Variants in VWCE observed in about 807,000 individuals in gnomAD.
VWCE encodes the protein von Willebrand factor C and EGF domains, also known as von Willebrand factor C and EGF domain-containing protein.
A neutral mutation model predicts 102.9 loss-of-function variants in VWCE; 68 were observed. The observed-to-expected ratio is 0.66, with a 90% CI of 0.54 to 0.81. The LOEUF (loss-of-function observed/expected upper bound fraction) is 0.81, where lower values mean the gene tolerates loss of function less well. VWCE is among the 30% of genes least tolerant of loss of function. The pLI, the probability that VWCE is intolerant of heterozygous loss-of-function variation, is 0.00. For missense variants in VWCE, 1,137 were observed against 1,263.6 expected, an observed-to-expected ratio of 0.90 and a Z score of 1.52; for synonymous variants, 497 against 515.4, an observed-to-expected ratio of 0.96 and a Z score of 0.48.
chr11:61,282,980 C>T, intron 5 of VWCE, 75 bp from the exon 6 acceptor site: 1 of 1,272,832 alleles, frequency 7.9e-7, no homozygotes, highest in Non-Finnish European at 1.1e-6. Context: ...CCTCTTCCTC[C>T]CTCATCTCCA....
rs185780399 is a variant in VWCE at position 61,270,214 on chromosome 11, C to T, written c.1786-1196G>A. Among the ~76,000 whole-genome samples the T allele has an allele frequency of 5.9e-5, 9 of 152,298 alleles. No individual in the cohort carries two copies. In the East Asian group the frequency reaches 1.2e-3, roughly 20 times the overall value. The stretch of plus-strand genomic sequence containing the variant: ...GATTACAGGCGTGAGCCACCGCGCC[C>T]GGCCCAGCTTACAGCTTTTTAACAA... On this transcript the variant is annotated intron_variant, in intron 14 of 19. Transcript: ENST00000335613.
In VWCE at chr11:61,265,124, C is replaced by T. The variant is rs1281824854; in HGVS notation, c.2054G>A (p.Arg685Gln). The stretch of plus-strand genomic sequence containing the variant: ...GTGGGGCAGCTGGTCCCACTCACCT[C>T]GGCACACGGGGCAGCACTCCCCGTC... Reference protein sequence around the residue: ...HPDGECCPVCRDCNYEGRKVA... With the variant: ...HPDGECCPVCQDCNYEGRKVA... The change falls in exon 17 of 20, where the codon CGA becomes CAA. Residue 685 changes from arginine (R) to glutamine (Q), a missense_variant and splice_region_variant. Transcript: ENST00000335613. 3.1e-6 allele frequency: 5 copies of T among 1,608,446 alleles called. No homozygotes were observed. Among genetic ancestry groups the T allele is most frequent in the African/African-American group, 1.3e-5 (1 of 74,944 alleles).
chr11:61,286,277 C>A (rs1164531226), intron 5 of VWCE, 37 bp downstream of exon 5: 1 of 1,583,498 alleles, frequency 6.3e-7, no homozygotes, highest in Non-Finnish European at 8.6e-7. Flanking sequence ...ATCCCCATTA[C>A]CCCTCCCAGA....
At chr11:61,282,463 A>G (rs1387105292) in intron 6 of VWCE, 1 of 270,716 alleles carries the variant, frequency 3.7e-6, no homozygotes, top group African/African-American at 2.2e-5. Context: ...CCAAGACATA[A>G]CGTGCTTTAT....
chr11:61,273,722 C>T (rs570439455), intron 12 of VWCE: 39 of 176,138 alleles, frequency 2.2e-4, no homozygotes, highest in African/African-American at 8.5e-4. Context: ...GTCCTGTCTC[C>T]GAAGTACTGC....
rs1446136047 is a variant in VWCE, at chr11:61,258,943, G to A, written c.2600C>T (p.Pro867Leu). The change falls in exon 20 of 20, where the codon CCA becomes CTA. Residue 867 changes from proline to leucine, a missense_variant. Transcript: ENST00000335613. ...LPLASPGAPQ[P>L]PPVTPERSFS... ...CGAGCGCTCTGGAGTCACAGGAGGT[G>A]GCTGAGGAGCCCCTGGGGAAGCTAG... 3.8e-6 allele frequency: 6 copies of A among 1,564,220 alleles called. No individual in the cohort carries two copies. The highest frequency in any genetic ancestry group is 1.4e-5 in the African/African-American group (1 of 73,104).
At chr11:61,274,468 C>T (rs1854841498) in intron 12 of VWCE, 31 bp downstream of exon 12, 1 of 1,606,470 alleles carries the variant, frequency 6.2e-7, no homozygotes, top group South Asian at 1.1e-5. Context: ...TCCATCAATT[C>T]CACAGGCTTT....
At chr11:61,271,827 T>TGAAG in intron 13 of VWCE, 67 bp from the exon 14 acceptor site, 1 of 1,415,500 alleles carries the variant, frequency 7.1e-7, no homozygotes, top group Non-Finnish European at 9.9e-7. Context: ...CAAGGACAGA[T>TGAAG]GCCTCATGCG....
intron 19 of VWCE, 123 bp downstream of exon 19, chr11:61,264,364 C>A: frequency 1.0e-6 from 1 of 975,872 alleles, no homozygotes; most frequent in South Asian, 1.5e-5. Context: ...CTTGCGCGAG[C>A]CGTGTTCCCT....
At chr11:61,270,906 C>T (rs996965538) in intron 14 of VWCE, among the ~76,000 whole-genome samples, 8 of 151,194 alleles carry the variant, frequency 5.3e-5, no homozygotes, top group Non-Finnish European at 1.0e-4. Context: ...CGGCTCACTG[C>T]AGCCTCGACC....
chr11:61,285,405 T>C (rs939723268), intron 5 of VWCE, among the ~76,000 whole-genome samples: 1 of 152,214 alleles, frequency 6.6e-6, no homozygotes, highest in African/African-American at 2.4e-5. Flanking sequence ...AGATCTCTCA[T>C]CCTGCAAACT....
intron 4 of VWCE, among the ~76,000 whole-genome samples, chr11:61,287,069 C>T (rs1855358168): frequency 6.6e-6 from 1 of 152,148 alleles, no homozygotes. Flanking sequence ...TGCACTCCAG[C>T]CTGGGCGACA....
intron 11 of VWCE, among the ~76,000 whole-genome samples, chr11:61,274,797 C>CA (rs1314300204): frequency 6.6e-6 from 1 of 152,180 alleles, no homozygotes. Context: ...TGTGGCAGTT[C>CA]ATGTCTGTAA....
At chr11:61,274,454 C>G in intron 12 of VWCE, 45 bp downstream of exon 12, 1 of 1,582,486 alleles carries the variant, frequency 6.3e-7, no homozygotes, top group Non-Finnish European at 8.7e-7. Context: ...GCCTCGCTCC[C>G]CTCTCCATCA....
At position 61,280,959 on chromosome 11, in the gene VWCE, C is replaced by A; in HGVS notation, c.1064G>T (p.Arg355Ile). The stretch of plus-strand genomic sequence containing the variant: ...CTCCCCCTGAAGGAGTGAGGGGGGT[C>A]TGAGGTTCCCCAGCAGGGAGGCAGT... ...VPTASLLGNL[R>I]PPSLLQGEVM... Residue 355 changes from arginine (R) to isoleucine (I), a missense_variant, in exon 8 of 20, where the codon AGA becomes ATA. Arg to Ile is a moderately conservative substitution (Grantham distance 97). Transcript: ENST00000335613. The A allele has an allele frequency of 6.5e-7, 1 of 1,534,564 alleles. No homozygotes were observed. The highest frequency in any genetic ancestry group is 8.8e-7 in the Non-Finnish European group (1 of 1,142,790).
rs1565233973 is a variant in VWCE at position 61,294,054 on chromosome 11, C to A, written c.110+874G>T. Among the ~76,000 whole-genome samples, 1 of 152,264 alleles carries A rather than the reference C, an allele frequency of 6.6e-6. No homozygotes were observed. The highest frequency in any genetic ancestry group is 1.9e-4 in the East Asian group (1 of 5,170). ...CACCAAGGCGGCAGATAAAAGGGTG[C>A]CCAGGGAGGCTGATGGAGTCGAACT... On this transcript the variant is annotated intron_variant, in intron 1 of 19. Coordinates refer to ENST00000335613, the MANE Select transcript of VWCE (RefSeq NM_152718.2). The surrounding 1 kb of genome is among the most constrained non-coding windows in gnomAD (Gnocchi z 6.3).
chr11:61,273,594 A>T, intron 12 of VWCE: 2 of 452,874 alleles, frequency 4.4e-6, no homozygotes, highest in Non-Finnish European at 7.9e-6. Context: ...TCCCGCTTCC[A>T]TCCAGGCTCC....
At chr11:61,264,344 G>C (rs1854445723) in intron 19 of VWCE, 143 bp downstream of exon 19, 1 of 737,130 alleles carries the variant, frequency 1.4e-6, no homozygotes, top group African/African-American at 1.8e-5. Flanking sequence ...CCACAGCACA[G>C]CTGTACAACC....
At chr11:61,260,595 G>A (rs1276087906) in intron 19 of VWCE, among the ~76,000 whole-genome samples, 2 of 152,134 alleles carry the variant, frequency 1.3e-5, no homozygotes, top group Non-Finnish European at 2.9e-5. Flanking sequence ...ACGGTGCCCA[G>A]CAAAAATGCA....
Sources: allele counts gnomAD v4.1 joint callset (sites outside exome capture counted in the v4.1 genomes callset), GRCh38; gene constraint gnomAD v4.1.1; non-coding constraint Gnocchi (gnomAD v3.1); transcripts MANE v1.5; gene names NCBI Gene and HGNC (gene_info 2026-07-23, HGNC 2026-07-21).